The following RBFOX1 variants were observed in gnomAD, a reference collection of about 807,000 sequenced individuals.
RBFOX1 encodes the protein RNA binding fox-1 homolog 1, also known as RNA binding protein fox-1 homolog 1.
RBFOX1 carries 8 observed loss-of-function variants against 57.7 expected under a neutral mutation model. The ratio of observed to expected loss-of-function variants is 0.14; its 90% CI spans 0.08 to 0.25. RBFOX1 has a LOEUF of 0.25. RBFOX1 is among the 10% of genes least tolerant of loss of function. RBFOX1 has a pLI of 1.00. For missense variants in RBFOX1, 611 were observed against 548.5 expected, an observed-to-expected ratio of 1.11 and a Z score of -1.14; for synonymous variants, 326 against 222.4, an observed-to-expected ratio of 1.47 and a Z score of -4.15.
chr16:6,727,085 A>AC (rs1393665209), intron 3 of RBFOX1, among the ~76,000 whole-genome samples: 218 of 131,924 alleles, frequency 1.7e-3, no homozygotes, highest in African/African-American at 5.9e-3. Context: ...AGAGACACAC[A>AC]AAACACACAC....
At chr16:6,346,057 C>T (rs1015339650) in intron 2 of RBFOX1, among the ~76,000 whole-genome samples, 2 of 152,116 alleles carry the variant, frequency 1.3e-5, no homozygotes, top group African/African-American at 2.4e-5. Flanking sequence ...ATCAGGTATG[C>T]ATTTATCTCA....
At chr16:5,522,808 C>A (rs900852009) in intron 2 of RBFOX1, among the ~76,000 whole-genome samples, 1 of 152,208 alleles carries the variant, frequency 6.6e-6, no homozygotes, top group Non-Finnish European at 1.5e-5. Flanking sequence ...CTTTCTGTGC[C>A]TGGCTTATTT....
At chr16:5,897,957 A>G (rs1456562188) in intron 4 of RBFOX1, among the ~76,000 whole-genome samples, 1 of 151,270 alleles carries the variant, frequency 6.6e-6, no homozygotes, top group African/African-American at 2.4e-5. Context: ...ACTTCTGGGT[A>G]TGTATTGGTT....
Position 5,686,771 on chromosome 16 carries a change from CA to C in RBFOX1, c.318+87811del, listed in dbSNP as rs1858497074. Among the ~76,000 whole-genome samples, 2 of 152,080 alleles carry C rather than the reference CA, an allele frequency of 1.3e-5. 1 individual carries two copies. The highest frequency in any genetic ancestry group is 4.2e-4 in the South Asian group (2 of 4,816). On this transcript the variant is annotated intron_variant, in intron 3 of 19. Transcript: ENST00000641259. ...AAATAACAAATGAAAGTATTTTTTCCAGTAGAAATTCCATTTGGCTATCAAT... is the reference window on the plus strand; with the variant it reads ...AAATAACAAATGAAAGTATTTTTTCCGTAGAAATTCCATTTGGCTATCAAT...
chr16:7,662,180 A>G (rs1165330564), intron 12 of RBFOX1, among the ~76,000 whole-genome samples: 1 of 152,220 alleles, frequency 6.6e-6, no homozygotes, highest in Non-Finnish European at 1.5e-5. Context: ...AAGATCAGAG[A>G]CAGATGAGGT....
intron 1 of RBFOX1, among the ~76,000 whole-genome samples, chr16:6,276,053 C>G (rs2075767434): frequency 6.6e-6 from 1 of 152,112 alleles, no homozygotes; most frequent in Non-Finnish European, 1.5e-5. Context: ...TAAGTCTTCT[C>G]TCATTGGAGG....
At chr16:6,323,840 T>A (rs1056064540) in intron 2 of RBFOX1, among the ~76,000 whole-genome samples, 1 of 152,114 alleles carries the variant, frequency 6.6e-6, no homozygotes. Context: ...TGGTGTGATA[T>A]CTGCTCACTG....
At chr16:6,115,022 A>G (rs1404539417) in intron 1 of RBFOX1, among the ~76,000 whole-genome samples, 1 of 152,218 alleles carries the variant, frequency 6.6e-6, no homozygotes, top group African/African-American at 2.4e-5. Flanking sequence ...CAGGAAAGGA[A>G]CAGTAGCTTC....
chr16:6,474,747 T>TATGG (rs1026573624), intron 2 of RBFOX1, among the ~76,000 whole-genome samples: 1 of 152,188 alleles, frequency 6.6e-6, no homozygotes, highest in African/African-American at 2.4e-5. Context: ...CTGCTGGGAA[T>TATGG]ATGGATTCAT....
chr16:7,513,194 C>T (rs1297571361), intron 4 of RBFOX1, among the ~76,000 whole-genome samples: 11 of 151,944 alleles, frequency 7.2e-5, no homozygotes, highest in Admixed American at 6.6e-5. Context: ...ACCTCGGAGG[C>T]GGAGGTTGCA....
intron 4 of RBFOX1, among the ~76,000 whole-genome samples, chr16:7,451,645 C>T (rs2098860186): frequency 6.6e-6 from 1 of 152,142 alleles, no homozygotes; most frequent in Admixed American, 6.5e-5. Context: ...TGAAATTAAA[C>T]CTACCTGTCT....
intron 10 of RBFOX1, among the ~76,000 whole-genome samples, chr16:7,612,095 G>A (rs957753358): frequency 6.6e-6 from 1 of 152,120 alleles, no homozygotes; most frequent in Non-Finnish European, 1.5e-5. Flanking sequence ...GCCGAGGCAG[G>A]TGGATCACGA....
rs1168606127 is a variant in RBFOX1, at chr16:5,955,283, CAATAAAATAAAATAA to C, written c.351+88005_351+88019del. The stretch of plus-strand genomic sequence containing the variant: ...GTGACAAGAGTGAGACTCTGTCTCC[CAATAAAATAAAATAA>C]AATAAAATAAAATAAAATAAAATAA... On this transcript the variant is annotated intron_variant, in intron 4 of 19. Coordinates refer to the RBFOX1 transcript ENST00000641259. Among the ~76,000 whole-genome samples the C allele has an allele frequency of 6.3e-5, 7 of 111,592 alleles. No individual in the cohort carries two copies. In the East Asian group the frequency reaches 7.3e-4, roughly 12 times the overall value. The allele number at this position is 111,592 out of a possible 152,430, so 73.2% of individuals were successfully genotyped here.
chr16:5,927,522 A>G (rs1202333837), intron 4 of RBFOX1, among the ~76,000 whole-genome samples: 1 of 152,218 alleles, frequency 6.6e-6, no homozygotes, highest in South Asian at 2.1e-4. Flanking sequence ...TACAGCTATG[A>G]TGGAAAACAA....
chr16:5,839,672 G>C (rs982767074), intron 3 of RBFOX1, among the ~76,000 whole-genome samples: 6 of 152,156 alleles, frequency 3.9e-5, no homozygotes, highest in Non-Finnish European at 5.9e-5. Flanking sequence ...TTACTTAACA[G>C]TTTTGCTTCA....
intron 3 of RBFOX1, among the ~76,000 whole-genome samples, chr16:5,824,543 T>A (rs1332486946): frequency 6.6e-6 from 1 of 152,082 alleles, no homozygotes; most frequent in Non-Finnish European, 1.5e-5. Context: ...CTTTCTGGGG[T>A]GATTGACACA....
chr16:6,180,754 T>TG (rs1307791459), intron 1 of RBFOX1, among the ~76,000 whole-genome samples: 15 of 152,068 alleles, frequency 9.9e-5, no homozygotes, highest in African/African-American at 2.7e-4. Flanking sequence ...TTAGTAGAGA[T>TG]GGGGTTTCAC....
chr16:6,332,053 C>G (rs777624780), intron 2 of RBFOX1, among the ~76,000 whole-genome samples: 2 of 152,096 alleles, frequency 1.3e-5, no homozygotes, highest in African/African-American at 4.8e-5. Flanking sequence ...TTGTGTAACA[C>G]CAATGGGGTG....
chr16:6,854,517 A>G (rs1247117520), intron 3 of RBFOX1, among the ~76,000 whole-genome samples: 1 of 149,924 alleles, frequency 6.7e-6, no homozygotes, highest in Admixed American at 6.7e-5. Flanking sequence ...CTCTCAGGTT[A>G]CCTGTTTTGC....
Sources: allele counts gnomAD v4.1 joint callset (sites outside exome capture counted in the v4.1 genomes callset), GRCh38; gene constraint gnomAD v4.1.1; transcripts MANE v1.5; gene names NCBI Gene and HGNC (gene_info 2026-07-23, HGNC 2026-07-21).